HS1BP3: variants seen among roughly 807,000 people sequenced by gnomAD.
HS1BP3 encodes HCLS1 binding protein 3.
Under a neutral mutation model 33.5 loss-of-function variants are expected in HS1BP3, and 32 were observed. That is an observed-to-expected ratio of 0.95 (90% CI 0.72 to 1.28). HS1BP3 has a LOEUF of 1.28. Among genes scored for constraint, HS1BP3 ranks in the 50% most tolerant of loss-of-function variants. The pLI, the probability that HS1BP3 is intolerant of heterozygous loss-of-function variation, is 0.00. For missense variants in HS1BP3, 486 were observed against 502.3 expected (o/e 0.97, Z 0.31); for synonymous variants, 187 against 209.2 (o/e 0.89, Z 0.92).
intron 2 of HS1BP3, among the ~76,000 whole-genome samples, chr2:20,641,568 G>A (rs1007629489): frequency 5.9e-5 from 9 of 152,300 alleles, no homozygotes; most frequent in South Asian, 2.1e-4. Flanking sequence ...CTGCAACACC[G>A]TGAATCATCT....
At chr2:20,592,246 A>G (rs1693832781), downstream of HS1BP3, among the ~76,000 whole-genome samples, 1 of 152,048 alleles carries the variant, frequency 6.6e-6, no homozygotes, top group African/African-American at 2.4e-5. Flanking sequence ...AATTGCTTGA[A>G]CGCGGGAGGC....
At chr2:20,597,696 A>G (rs948516542) in intron 3 of HS1BP3, among the ~76,000 whole-genome samples, 2 of 152,196 alleles carry the variant, frequency 1.3e-5, no homozygotes, top group African/African-American at 4.8e-5. Context: ...AAAGAAAAAC[A>G]ACCCTGGAAA....
At chr2:20,630,095 T>C (rs1482017379) in intron 4 of HS1BP3, among the ~76,000 whole-genome samples, 3 of 152,240 alleles carry the variant, frequency 2.0e-5, no homozygotes, top group Admixed American at 1.3e-4. Flanking sequence ...AGAAGACTGC[T>C]GATCTTTCCA....
intron 2 of HS1BP3, among the ~76,000 whole-genome samples, chr2:20,610,438 C>A (rs889703068): frequency 1.3e-5 from 2 of 152,148 alleles, no homozygotes; most frequent in African/African-American, 2.4e-5. Flanking sequence ...TTGCTTTTTC[C>A]AGGTCAGATA....
At chr2:20,555,284 G>T in the HS1BP3 span, among the ~76,000 whole-genome samples, 1 of 152,246 alleles carries the variant, frequency 6.6e-6, no homozygotes, top group African/African-American at 2.4e-5. Flanking sequence ...GAGGCCAGGT[G>T]GCTGTTATCA....
At chr2:20,627,483 C>T (rs942029915) in intron 4 of HS1BP3, among the ~76,000 whole-genome samples, 6 of 152,216 alleles carry the variant, frequency 3.9e-5, no homozygotes, top group Admixed American at 1.3e-4. Flanking sequence ...CTGGAGAAGC[C>T]GTGGTGCCCC....
At chr2:20,596,216 T>A (rs1256400327) in intron 3 of HS1BP3, among the ~76,000 whole-genome samples, 1 of 152,204 alleles carries the variant, frequency 6.6e-6, no homozygotes, top group South Asian at 2.1e-4. Flanking sequence ...CTTGGCCCTT[T>A]AGTATTTTGA....
chr2:20,558,600 G>C (rs1236523043), downstream of HS1BP3, among the ~76,000 whole-genome samples: 1 of 152,218 alleles, frequency 6.6e-6, no homozygotes, highest in Non-Finnish European at 1.5e-5. Flanking sequence ...AAGAGGGTGG[G>C]ATGGAGAACT....
intron 5 of HS1BP3, among the ~76,000 whole-genome samples, chr2:20,582,860 A>T (rs567710184): frequency 6.6e-6 from 1 of 152,242 alleles, no homozygotes; most frequent in South Asian, 2.1e-4. Context: ...AGGGGTTCAG[A>T]CACAGGCAGG....
chr2:20,570,605 T>C (rs903172170), intron 5 of HS1BP3, among the ~76,000 whole-genome samples: 4 of 152,190 alleles, frequency 2.6e-5, no homozygotes, highest in African/African-American at 7.2e-5. Flanking sequence ...TGCCTTATGA[T>C]AATTCTAGGA....
chr2:20,631,345 C>T (rs193285521), intron 4 of HS1BP3, among the ~76,000 whole-genome samples: 159 of 151,790 alleles, frequency 1.0e-3, no homozygotes, highest in Admixed American at 3.1e-3. Context: ...GAAACCTCAT[C>T]TCTACAAAAA....
Position 20,645,421 on chromosome 2 carries a change from C to G in HS1BP3, c.117G>C (p.Val39=). ...GGGTCACCACCAGGATCTGGTACTC[C>G]ACGTGTCCAGACATCATCTTGCCCC... is the stretch of plus-strand genomic sequence containing the variant. ...EVRGKMMSGH[V]EYQILVVTRL... The change falls in exon 2 of 7, where the codon GTG becomes GTC. Residue 39 remains valine (V), a synonymous_variant. Coordinates refer to ENST00000304031, the MANE Select transcript of HS1BP3 (RefSeq NM_022460.4). 3 of 1,614,170 alleles carry G rather than the reference C, an allele frequency of 1.9e-6. No individual in the cohort carries two copies. Among genetic ancestry groups the G allele is most frequent in the Non-Finnish European group, 2.5e-6 (3 of 1,180,018 alleles).
chr2:20,629,760 C>A (rs557467494), intron 4 of HS1BP3, among the ~76,000 whole-genome samples: 3 of 152,226 alleles, frequency 2.0e-5, no homozygotes, highest in Non-Finnish European at 4.4e-5. Context: ...GTATTCCTGA[C>A]GGCAGACAGA....
intron 5 of HS1BP3, among the ~76,000 whole-genome samples, chr2:20,572,911 C>A (rs1254604036): frequency 6.6e-6 from 1 of 152,178 alleles, no homozygotes; most frequent in African/African-American, 2.4e-5. Context: ...GCCTGGGCAG[C>A]CTTCCTGTCT....
At chr2:20,556,704 C>A (rs1275059471), downstream of HS1BP3, among the ~76,000 whole-genome samples, 1 of 152,202 alleles carries the variant, frequency 6.6e-6, no homozygotes, top group East Asian at 1.9e-4. Context: ...TCTCTTACTG[C>A]ACACGCCATC....
At position 20,611,805 on chromosome 2, in the gene HS1BP3, C is replaced by T. The variant is rs1225246128; in HGVS notation, c.178+12091G>A. On this transcript the variant is annotated intron_variant, in intron 2 of 3. Transcript: ENST00000415264. This position sits in a 1 kb window ranked among gnomAD's most constrained non-coding sequence, Gnocchi z 4.9. ...CCACGGTGAGGCAGCAGAAGCAGGC[C>T]ATCACCCTGCTCAGCAGCGTGGGGT... 1.3e-5 allele frequency among the ~76,000 whole-genome samples: 2 copies of T among 152,206 alleles called. No homozygotes were observed. The highest frequency in any genetic ancestry group is 4.8e-5 in the African/African-American group (2 of 41,456).
At chr2:20,608,844 T>A (rs1694256321) in intron 2 of HS1BP3, among the ~76,000 whole-genome samples, 1 of 152,072 alleles carries the variant, frequency 6.6e-6, no homozygotes, top group African/African-American at 2.4e-5. Context: ...AACCAAGAGT[T>A]TTTTGCGGAG....
At chr2:20,617,379 A>G (rs1191294659), downstream of HS1BP3, among the ~76,000 whole-genome samples, 3 of 152,096 alleles carry the variant, frequency 2.0e-5, no homozygotes, top group Non-Finnish European at 4.4e-5. Flanking sequence ...AGCCCTGGGG[A>G]GGGAGCTGAC....
At chr2:20,631,553 A>ATT (rs377095058) in intron 4 of HS1BP3, among the ~76,000 whole-genome samples, 1 of 108,224 alleles carries the variant, frequency 9.2e-6, no homozygotes, top group Admixed American at 1.0e-4. Context: ...AAAAAAAAAA[A>ATT]GGGGCCAGCC....
Sources: allele counts gnomAD v4.1 joint callset (sites outside exome capture counted in the v4.1 genomes callset), GRCh38; gene constraint gnomAD v4.1.1; non-coding constraint Gnocchi (gnomAD v3.1); transcripts MANE v1.5; gene names NCBI Gene and HGNC (gene_info 2026-07-23, HGNC 2026-07-21).